The following SLC6A15 variants were observed in gnomAD, a reference collection of about 807,000 sequenced individuals.
SLC6A15 encodes sodium-dependent neutral amino acid transporter B(0)AT2.
SLC6A15 carries 33 observed loss-of-function variants against 68.5 expected under a neutral mutation model. That is an observed-to-expected ratio of 0.48 (90% CI 0.37 to 0.64). SLC6A15 has a LOEUF of 0.64. SLC6A15 is among the 30% of genes least tolerant of loss of function. The probability of loss-of-function intolerance (pLI) is 0.00; values close to 1 mark genes in which losing one functional copy is unlikely to be tolerated. For missense variants in SLC6A15, 747 were observed against 874.3 expected (o/e 0.85, Z 1.84); for synonymous variants, 347 against 301.0 (o/e 1.15, Z -1.58).
chr12:84,866,777 T>A (rs1592592054), intron 10 of SLC6A15, among the ~76,000 whole-genome samples: 1 of 152,162 alleles, frequency 6.6e-6, no homozygotes, highest in Admixed American at 6.5e-5. Flanking sequence ...ATCCTGAAAG[T>A]TAGCTATTTG....
chr12:84,892,175 G>T lies in SLC6A15; in HGVS notation c.-55C>A. 1 of 1,440,328 alleles carries T rather than the reference G, an allele frequency of 6.9e-7. No homozygotes were observed. Among genetic ancestry groups the T allele is most frequent in the African/African-American group, 1.4e-5 (1 of 69,284 alleles). The allele number at this position is 1,440,328 out of a possible 1,614,324, so 89.2% of individuals were successfully genotyped here. ...AAAAAAAAACTCCCTTATGGCAAAT[G>T]TGTTAACTCTATTTTTCAAAACAAT... On this transcript the variant is annotated 5_prime_UTR_variant, in exon 2 of 12. Coordinates refer to ENST00000266682, the MANE Select transcript of SLC6A15 (RefSeq NM_182767.6).
At position 84,880,428 on chromosome 12, in the gene SLC6A15, A is replaced by G. The variant is rs1175803175; in HGVS notation, c.756+3431T>C. 5.9e-5 allele frequency among the ~76,000 whole-genome samples: 9 copies of G among 152,252 alleles called. No individual in the cohort carries two copies. The East Asian group carries it at 1.4e-3, about 23-fold the overall frequency. ...TTATACCAACCACTTTCTTCTCTCCATGCGTTACGTCTTATAACTTGAAGT... is the reference window on the plus strand; with the variant it reads ...TTATACCAACCACTTTCTTCTCTCCGTGCGTTACGTCTTATAACTTGAAGT... On this transcript the variant is annotated intron_variant, in intron 5 of 11. Coordinates refer to ENST00000266682, the MANE Select transcript of SLC6A15 (RefSeq NM_182767.6).
chr12:84,872,036 T>C (rs112881301), intron 8 of SLC6A15, among the ~76,000 whole-genome samples: 364 of 151,956 alleles, frequency 2.4e-3, no homozygotes, highest in African/African-American at 7.7e-3. Context: ...TATGTGCCTG[T>C]AATCCCAGCT....
In SLC6A15 at chr12:84,861,546, A is replaced by T. The variant is rs1341434971; in HGVS notation, c.*86T>A. The T allele has an allele frequency of 6.8e-7, 1 of 1,461,286 alleles. No individual in the cohort carries two copies. Among genetic ancestry groups the T allele is most frequent in the East Asian group, 2.3e-5 (1 of 43,768 alleles). 90.5% of individuals were successfully genotyped at this position (1,461,286 alleles called of 1,614,324 possible). A position where few individuals can be genotyped will look rare whatever the true frequency, so the allele number is the denominator to read the frequency against. The stretch of plus-strand genomic sequence containing the variant: ...ACGGAACACCTGAGATTGCCCTCTG[A>T]TAAGTGAAGCCTAATGCTTCTCCTA... On this transcript the variant is annotated 3_prime_UTR_variant, in exon 12 of 12. Transcript: ENST00000266682.
At chr12:84,881,775 G>T in intron 5 of SLC6A15, 1 of 913,936 alleles carries the variant, frequency 1.1e-6, no homozygotes, top group Non-Finnish European at 1.3e-6. Context: ...CTGTTTAGTA[G>T]GTAAACACAA....
At chr12:84,877,447 T>A (rs1871601419) in intron 5 of SLC6A15, among the ~76,000 whole-genome samples, 1 of 152,148 alleles carries the variant, frequency 6.6e-6, no homozygotes, top group South Asian at 2.1e-4. Context: ...GTCGTTGGAG[T>A]GAAGTGCTGA....
chr12:84,868,366 T>C (rs186986374), intron 9 of SLC6A15, among the ~76,000 whole-genome samples: 1 of 152,340 alleles, frequency 6.6e-6, no homozygotes, highest in East Asian at 1.9e-4. Flanking sequence ...TTACTTTGTT[T>C]ACAGATGAGA....
At chr12:84,905,857 A>G (rs1253759340) in intron 1 of SLC6A15, among the ~76,000 whole-genome samples, 1 of 152,236 alleles carries the variant, frequency 6.6e-6, no homozygotes, top group Non-Finnish European at 1.5e-5. Flanking sequence ...AAAGATTTCC[A>G]TCACATAAGG....
At chr12:84,905,039 T>C (rs11829799) in intron 1 of SLC6A15, among the ~76,000 whole-genome samples, 6,216 of 152,262 alleles carry the variant, frequency 0.041, 391 homozygotes, top group African/African-American at 0.14. Context: ...TAGAAGATGA[T>C]AGAATAATTT....
intron 1 of SLC6A15, among the ~76,000 whole-genome samples, chr12:84,910,495 A>G (rs908216486): frequency 1.3e-5 from 2 of 152,196 alleles, no homozygotes; most frequent in African/African-American, 4.8e-5. Flanking sequence ...AGAAAAAAAT[A>G]CATACTGTTT....
At chr12:84,879,329 C>G (rs113420241) in intron 5 of SLC6A15, among the ~76,000 whole-genome samples, 6,196 of 114,252 alleles carry the variant, frequency 0.054, 428 homozygotes, top group African/African-American at 0.25. Flanking sequence ...CTATCACACA[C>G]TTTCTTTTTT....
rs529802347 is a variant in SLC6A15, at chr12:84,885,841, A to G, written c.447+70T>C. On this transcript the variant is annotated intron_variant, in intron 3 of 11. Coordinates refer to ENST00000266682, the MANE Select transcript of SLC6A15 (RefSeq NM_182767.6). ...TTATTAACACACACTCCAAAGTTTCATTTAAATGTTAATTATATAATTTGA... is the reference window on the plus strand; with the variant it reads ...TTATTAACACACACTCCAAAGTTTCGTTTAAATGTTAATTATATAATTTGA... 6 of 1,431,218 alleles carry G rather than the reference A, an allele frequency of 4.2e-6. No individual in the cohort carries two copies. The East Asian group carries it at 1.4e-4, about 33-fold the overall frequency. 88.7% of individuals were successfully genotyped at this position (1,431,218 alleles called of 1,614,324 possible).
intron 5 of SLC6A15, among the ~76,000 whole-genome samples, chr12:84,880,182 A>G (rs576769372): frequency 2.0e-5 from 3 of 152,284 alleles, no homozygotes; most frequent in African/African-American, 7.2e-5. Context: ...CAACACATCA[A>G]TTTTATTCCT....
intron 1 of SLC6A15, among the ~76,000 whole-genome samples, chr12:84,897,004 A>T (rs1872660523): frequency 6.6e-6 from 1 of 152,090 alleles, no homozygotes; most frequent in African/African-American, 2.4e-5. Context: ...CATACTGGCC[A>T]ATATGGTGAA....
intron 1 of SLC6A15, among the ~76,000 whole-genome samples, chr12:84,901,542 A>C (rs12299463): frequency 0.017 from 2,539 of 151,848 alleles, 76 homozygotes; most frequent in African/African-American, 0.057. Flanking sequence ...TTAACTCAAT[A>C]CTTTCTGCCA....
At chr12:84,866,879 A>T (rs551685973) in intron 10 of SLC6A15, among the ~76,000 whole-genome samples, 155 bp downstream of exon 10, 3 of 152,310 alleles carry the variant, frequency 2.0e-5, no homozygotes, top group African/African-American at 7.2e-5. Context: ...AATTTACCAA[A>T]ACTGTTGAAT....
At chr12:84,902,035 G>C (rs907597562) in intron 1 of SLC6A15, among the ~76,000 whole-genome samples, 2 of 151,154 alleles carry the variant, frequency 1.3e-5, no homozygotes, top group African/African-American at 4.9e-5. Flanking sequence ...TAATTATAGA[G>C]GAAAAATATT....
chr12:84,876,478 A>G lies in SLC6A15; in HGVS notation c.867+19T>C. 8.1e-7 allele frequency: 1 copy of G among 1,240,416 alleles called. No individual in the cohort carries two copies. The highest frequency in any genetic ancestry group is 1.2e-6 in the Non-Finnish European group (1 of 869,552). The allele number at this position is 1,240,416 out of a possible 1,614,324, so 76.8% of individuals were successfully genotyped here. ...ATGCTTTCATGATCATAAGCCTTAA[A>G]TAGAAATATGGTACATACCTTAGGG... On this transcript the variant is annotated intron_variant, in intron 6 of 11. Coordinates refer to ENST00000266682, the MANE Select transcript of SLC6A15 (RefSeq NM_182767.6).
chr12:84,860,052 A>G lies in SLC6A15; in HGVS notation c.*1580T>C, dbSNP rs1343597705. ...TATTAAACATTTTAAAGGGATACAA[A>G]CACAATATTCATGAATATATTTTAA... On this transcript the variant is annotated 3_prime_UTR_variant, in exon 12 of 12. Transcript: ENST00000266682. 26 of 151,844 alleles carry G rather than the reference A, an allele frequency of 1.7e-4. No individual in the cohort carries two copies. Among genetic ancestry groups the G allele is most frequent in the Admixed American group, 1.7e-3 (26 of 15,256 alleles). 9.4% of individuals were successfully genotyped at this position (151,844 alleles called of 1,614,324 possible).
Sources: gnomAD v4.1 joint callset for allele counts (sites outside exome capture counted in the v4.1 genomes callset) on GRCh38, gnomAD v4.1.1 for gene constraint, MANE v1.5 for transcripts, NCBI Gene and HGNC (gene_info 2026-07-23, HGNC 2026-07-21) for gene names.